Variants in GULP1 observed in about 807,000 individuals in gnomAD.
The protein encoded by GULP1 is PTB domain-containing engulfment adapter protein 1.
In GULP1, 19 loss-of-function variants were observed where a neutral mutation model predicts 40.9. The ratio of observed to expected loss-of-function variants is 0.46; its 90% CI spans 0.32 to 0.68. The LOEUF is 0.68. GULP1 is among the 30% of genes least tolerant of loss of function. The pLI is 0.03. For synonymous variants in GULP1, 119 were observed against 117.6 expected (o/e 1.01, Z -0.08); for missense variants, 312 against 362.2 (o/e 0.86, Z 1.12).
intron 4 of GULP1, among the ~76,000 whole-genome samples, chr2:188,514,202 A>C (rs1292427087): frequency 6.6e-6 from 1 of 151,998 alleles, no homozygotes. Flanking sequence ...CAATTATCTT[A>C]CTTGTTTCTA....
intron 1 of GULP1, among the ~76,000 whole-genome samples, chr2:188,315,306 G>A (rs1394581791): frequency 6.6e-6 from 1 of 152,072 alleles, no homozygotes; most frequent in African/African-American, 2.4e-5. Context: ...ATCTCTTACT[G>A]TGCCTAATTT....
intron 9 of GULP1, among the ~76,000 whole-genome samples, chr2:188,582,080 G>A (rs761479267): frequency 2.6e-4 from 40 of 151,814 alleles, no homozygotes; most frequent in African/African-American, 9.2e-4. Flanking sequence ...CTTAGGTCCC[G>A]ATGAATGCAA....
intron 9 of GULP1, among the ~76,000 whole-genome samples, chr2:188,572,330 T>A (rs943942067): frequency 2.0e-5 from 3 of 152,322 alleles, no homozygotes; most frequent in East Asian, 1.9e-4. Flanking sequence ...AATAGCTATG[T>A]TTTAAAATGA....
chr2:188,331,862 G>C (rs1434654333), intron 1 of GULP1, among the ~76,000 whole-genome samples: 1 of 151,932 alleles, frequency 6.6e-6, no homozygotes, highest in Non-Finnish European at 1.5e-5. Context: ...AATATTTAAT[G>C]GGCAACTTAT....
intron 1 of GULP1, among the ~76,000 whole-genome samples, chr2:188,328,545 C>T (rs1328615702): frequency 6.6e-6 from 1 of 152,152 alleles, no homozygotes; most frequent in Non-Finnish European, 1.5e-5. Flanking sequence ...TATCCTTCAA[C>T]ATAAATTCCT....
chr2:188,362,137 A>T (rs1390087247), intron 1 of GULP1, among the ~76,000 whole-genome samples: 2 of 152,086 alleles, frequency 1.3e-5, no homozygotes, highest in Non-Finnish European at 2.9e-5. Context: ...TAAAATTGTT[A>T]ATGGTGAAAC....
chr2:188,319,821 G>A (rs1402262974), intron 1 of GULP1, among the ~76,000 whole-genome samples: 1 of 151,632 alleles, frequency 6.6e-6, no homozygotes, highest in Non-Finnish European at 1.5e-5. Flanking sequence ...CTCTTTTTTT[G>A]TCCTATTCTT....
intron 4 of GULP1, among the ~76,000 whole-genome samples, chr2:188,513,558 T>A (rs2064831608): frequency 1.3e-5 from 2 of 152,220 alleles, no homozygotes; most frequent in Non-Finnish European, 2.9e-5. Context: ...AGAAAGCCAC[T>A]TCTTGGCTGT....
intron 1 of GULP1, among the ~76,000 whole-genome samples, chr2:188,343,886 T>G (rs1018031768): frequency 2.0e-5 from 3 of 152,164 alleles, no homozygotes; most frequent in Non-Finnish European, 2.9e-5. Flanking sequence ...CACTACAACC[T>G]TCACCTCCCA....
intron 7 of GULP1, among the ~76,000 whole-genome samples, chr2:188,561,439 C>A (rs1696246389): frequency 6.6e-6 from 1 of 152,194 alleles, no homozygotes; most frequent in South Asian, 2.1e-4. Flanking sequence ...GTGAGCCAGT[C>A]TTCAGGCCCT....
chr2:188,455,225 C>T (rs1318261887), intron 2 of GULP1, among the ~76,000 whole-genome samples: 2 of 152,014 alleles, frequency 1.3e-5, no homozygotes, highest in South Asian at 2.1e-4. Context: ...GCATATTTCC[C>T]CTTTGGTCAT....
At chr2:188,311,299 C>T (rs1020987805) in intron 1 of GULP1, among the ~76,000 whole-genome samples, 2 of 152,038 alleles carry the variant, frequency 1.3e-5, no homozygotes, top group African/African-American at 2.4e-5. Flanking sequence ...CGGGTTCAAG[C>T]GATTCTCCTG....
At chr2:188,510,810 G>GA (rs761888904) in intron 4 of GULP1, among the ~76,000 whole-genome samples, 6,048 of 138,456 alleles carry the variant, frequency 0.044, 258 homozygotes, top group African/African-American at 0.11. Context: ...CCAGTTTGAG[G>GA]AAAAAAAAAA....
Position 188,594,250 on chromosome 2 carries a change from G to T in GULP1, c.*239G>T, listed in dbSNP as rs1704128837. On this transcript the variant is annotated 3_prime_UTR_variant, in exon 12 of 12. Coordinates refer to ENST00000409830, the MANE Select transcript of GULP1 (RefSeq NM_016315.4). ...GTTCCTTTCTGTTTCTACTGTAGAT[G>T]AATTTGTAATTGAAAGACATATTAT... The T allele has an allele frequency of 6.6e-6, 2 of 302,466 alleles. No homozygotes were observed. The highest frequency in any genetic ancestry group is 4.9e-5 in the Admixed American group (1 of 20,424). 18.7% of individuals were successfully genotyped at this position (302,466 alleles called of 1,614,324 possible). A position where few individuals can be genotyped will look rare whatever the true frequency, so the allele number is the denominator to read the frequency against.
intron 4 of GULP1, among the ~76,000 whole-genome samples, chr2:188,500,542 T>A (rs1272110694): frequency 6.6e-6 from 1 of 151,942 alleles, no homozygotes; most frequent in Non-Finnish European, 1.5e-5. Context: ...TTTGTACTGG[T>A]GACACCTAGA....
chr2:188,350,498 T>C (rs1254245533), intron 1 of GULP1, among the ~76,000 whole-genome samples: 2 of 152,054 alleles, frequency 1.3e-5, no homozygotes, highest in African/African-American at 4.8e-5. Flanking sequence ...GTTAACTGCC[T>C]GTGTGTAGAA....
chr2:188,351,244 TGA>T (rs755679225), intron 1 of GULP1, among the ~76,000 whole-genome samples: 1 of 152,022 alleles, frequency 6.6e-6, no homozygotes, highest in East Asian at 1.9e-4. Context: ...AGAAAAAAGA[TGA>T]GGAGAGAACT....
intron 2 of GULP1, among the ~76,000 whole-genome samples, chr2:188,396,709 T>G (rs773572821): frequency 3.2e-4 from 48 of 152,350 alleles, no homozygotes; most frequent in Non-Finnish European, 6.2e-4. Context: ...CTCCCATTTC[T>G]GGCCAAAGGA....
At chr2:188,474,413 C>A (rs1318647405) in intron 2 of GULP1, among the ~76,000 whole-genome samples, 1 of 152,184 alleles carries the variant, frequency 6.6e-6, no homozygotes, top group African/African-American at 2.4e-5. Context: ...AAAGTTTCGA[C>A]AGCTGGGATC....
Sources: allele counts gnomAD v4.1 joint callset (sites outside exome capture counted in the v4.1 genomes callset), GRCh38; gene constraint gnomAD v4.1.1; transcripts MANE v1.5; gene names NCBI Gene and HGNC (gene_info 2026-07-23, HGNC 2026-07-21).